TMEM182: variants seen among roughly 807,000 people sequenced by gnomAD.
TMEM182 encodes the protein transmembrane protein 182.
Under a neutral mutation model 26.8 loss-of-function variants are expected in TMEM182, and 20 were observed. That is an observed-to-expected ratio of 0.75 (90% CI 0.53 to 1.09). TMEM182 has a LOEUF of 1.09. TMEM182 is among the 50% of genes least tolerant of loss of function. TMEM182 has a pLI of 0.00. For missense variants in TMEM182, 277 were observed against 275.5 expected (o/e 1.01, Z -0.04); for synonymous variants, 109 against 102.2 (o/e 1.07, Z -0.40).
At chr2:102,778,903 T>C (rs1304337657) in intron 3 of TMEM182, among the ~76,000 whole-genome samples, 1 of 152,128 alleles carries the variant, frequency 6.6e-6, no homozygotes, top group Non-Finnish European at 1.5e-5. Flanking sequence ...AGAATATATA[T>C]TGTATTTACC....
chr2:102,752,988 A>T (rs1468778131), intron 1 of TMEM182, among the ~76,000 whole-genome samples: 2 of 152,246 alleles, frequency 1.3e-5, no homozygotes, highest in Non-Finnish European at 2.9e-5. Flanking sequence ...CGAATGAGGA[A>T]ATTAAATTGA....
intron 3 of TMEM182, among the ~76,000 whole-genome samples, chr2:102,793,168 A>G (rs2540283): frequency 0.54 from 81,972 of 151,930 alleles, 22,686 homozygotes; most frequent in African/African-American, 0.65. Context: ...GGGGATCACA[A>G]GGATGATTCC....
At chr2:102,786,297 CTCTG>C (rs1364934907) in intron 3 of TMEM182, among the ~76,000 whole-genome samples, 1 of 145,444 alleles carries the variant, frequency 6.9e-6, no homozygotes, top group African/African-American at 2.6e-5. Context: ...TCACTGTAAC[CTCTG>C]CCACCTGGGT....
intron 3 of TMEM182, among the ~76,000 whole-genome samples, chr2:102,797,442 T>C (rs1448407423): frequency 6.6e-6 from 1 of 152,172 alleles, no homozygotes; most frequent in Admixed American, 6.5e-5. Flanking sequence ...TGTGAGGTAG[T>C]GTTTGTAAAT....
At chr2:102,836,649 A>G (rs775637605) in intron 3 of TMEM182, among the ~76,000 whole-genome samples, 41 of 152,206 alleles carry the variant, frequency 2.7e-4, no homozygotes, top group Non-Finnish European at 4.9e-4. Context: ...CCAAGTGTTC[A>G]GAGGCGTTCT....
chr2:102,797,839 C>T (rs1327151335), intron 3 of TMEM182, 24 bp from the exon 4 acceptor site: 4 of 1,592,450 alleles, frequency 2.5e-6, no homozygotes, highest in Admixed American at 3.7e-5. Context: ...TCTTTCTTTT[C>T]TCTTTTCCTC....
chr2:102,766,139 T>C (rs925741992), intron 3 of TMEM182, among the ~76,000 whole-genome samples: 2 of 152,182 alleles, frequency 1.3e-5, no homozygotes, highest in African/African-American at 2.4e-5. Flanking sequence ...TGTGATAAGA[T>C]AGGTATTGTA....
At chr2:102,790,935 A>G (rs1474264528) in intron 3 of TMEM182, among the ~76,000 whole-genome samples, 1 of 152,052 alleles carries the variant, frequency 6.6e-6, no homozygotes, top group Non-Finnish European at 1.5e-5. Context: ...TAGTTAACTT[A>G]TTTATTGAAT....
At chr2:102,828,568 G>A (rs750339004) in intron 3 of TMEM182, among the ~76,000 whole-genome samples, 2 of 152,150 alleles carry the variant, frequency 1.3e-5, no homozygotes, top group African/African-American at 4.8e-5. Context: ...CCTGTTGGTC[G>A]AGATTTACAT....
At position 102,750,837 on chromosome 2, in the gene TMEM182, G is replaced by C. The variant is rs541613126; in HGVS notation, c.-82-7552G>C. ...TTCACAGTGATGTATGAGTCCGCTA[G>C]GACTGCCACAACAAAATACTACAGA... On this transcript the variant is annotated intron_variant, in intron 1 of 5. Transcript: ENST00000409173. Among the ~76,000 whole-genome samples, 23 of 152,270 alleles carry C rather than the reference G, an allele frequency of 1.5e-4. 1 individual carries two copies. The highest frequency in any genetic ancestry group is 1.3e-4 in the Admixed American group (2 of 15,304).
At chr2:102,833,117 G>A (rs1683181163) in intron 3 of TMEM182, among the ~76,000 whole-genome samples, 1 of 152,220 alleles carries the variant, frequency 6.6e-6, no homozygotes, top group African/African-American at 2.4e-5. Flanking sequence ...AACATGCTAT[G>A]ATTTCAGGGA....
chr2:102,797,068 T>G (rs1681901170), intron 3 of TMEM182, among the ~76,000 whole-genome samples: 1 of 152,212 alleles, frequency 6.6e-6, no homozygotes, highest in Admixed American at 6.5e-5. Flanking sequence ...TTAGAATTCC[T>G]TTTTGTTTGA....
chr2:102,815,484 A>C lies in TMEM182; in HGVS notation c.*516A>C. On this transcript the variant is annotated 3_prime_UTR_variant, in exon 5 of 5. Coordinates refer to ENST00000412401, the MANE Select transcript of TMEM182 (RefSeq NM_144632.5). ...TTTAAAAATAGACAGCAGTTGTTCTAATTAGTGGGAGCCATGTACTCACCA... is the reference window on the plus strand; with the variant it reads ...TTTAAAAATAGACAGCAGTTGTTCTCATTAGTGGGAGCCATGTACTCACCA... 6.1e-6 allele frequency: 6 copies of C among 988,128 alleles called. No individual in the cohort carries two copies. The highest frequency in any genetic ancestry group is 7.2e-6 in the Non-Finnish European group (6 of 831,878). 61.2% of individuals were successfully genotyped at this position (988,128 alleles called of 1,614,324 possible).
downstream of TMEM182, among the ~76,000 whole-genome samples, chr2:102,822,179 T>C (rs1573573792): frequency 6.6e-6 from 1 of 152,202 alleles, no homozygotes; most frequent in East Asian, 1.9e-4. Context: ...AGAGGAGCAA[T>C]GTGGGCCTGG....
At chr2:102,796,916 A>G (rs1681892098) in intron 3 of TMEM182, among the ~76,000 whole-genome samples, 1 of 152,056 alleles carries the variant, frequency 6.6e-6, no homozygotes, top group Non-Finnish European at 1.5e-5. Flanking sequence ...CAAGTTGTAT[A>G]TTTTCTTAAA....
intron 3 of TMEM182, among the ~76,000 whole-genome samples, chr2:102,770,446 C>T (rs1041340846): frequency 6.6e-6 from 1 of 152,208 alleles, no homozygotes. Flanking sequence ...CGGTTCACTG[C>T]TCATTCTCTT....
chr2:102,781,839 A>G (rs1216387640), intron 3 of TMEM182, among the ~76,000 whole-genome samples: 1 of 152,166 alleles, frequency 6.6e-6, no homozygotes, highest in Admixed American at 6.5e-5. Flanking sequence ...ATCACATTTT[A>G]TATCATTCAT....
At position 102,762,051 on chromosome 2, in the gene TMEM182, A is replaced by G; in HGVS notation, c.-167A>G. ...AATATGAATCTGCCGGTGGGGCGTGAGCGAGAAGCCACCAAAACATGAGCT... is the reference window on the plus strand; with the variant it reads ...AATATGAATCTGCCGGTGGGGCGTGGGCGAGAAGCCACCAAAACATGAGCT... On this transcript the variant is annotated 5_prime_UTR_variant, in exon 1 of 5. Transcript: ENST00000412401. The G allele has an allele frequency of 1.8e-6, 1 of 567,888 alleles. No homozygotes were observed. The highest frequency in any genetic ancestry group is 2.1e-5 in the South Asian group (1 of 47,844). The allele number at this position is 567,888 out of a possible 1,614,324, so 35.2% of individuals were successfully genotyped here.
At chr2:102,835,501 T>C (rs1243992039) in intron 3 of TMEM182, among the ~76,000 whole-genome samples, 2 of 152,108 alleles carry the variant, frequency 1.3e-5, no homozygotes, top group Admixed American at 1.3e-4. Flanking sequence ...GAGGGTTTAC[T>C]CTTGGTGCTG....
Sources: gnomAD v4.1 joint callset for allele counts (sites outside exome capture counted in the v4.1 genomes callset) on GRCh38, gnomAD v4.1.1 for gene constraint, MANE v1.5 for transcripts, NCBI Gene and HGNC (gene_info 2026-07-23, HGNC 2026-07-21) for gene names.